OR4P4: variants seen among roughly 807,000 people sequenced by gnomAD.
OR4P4 encodes the protein olfactory receptor 4P4.
OR4P4 carries 1 observed loss-of-function variant against 2.1 expected under a neutral mutation model. The ratio of observed to expected loss-of-function variants is 0.47; its 90% CI spans 0.17 to 2.21. The LOEUF (loss-of-function observed/expected upper bound fraction) is 2.21, where lower values mean the gene tolerates loss of function less well. Among genes scored for constraint, OR4P4 ranks in the 30% most tolerant of loss-of-function variants. OR4P4 has a pLI of 0.27. For synonymous variants in OR4P4, 129 were observed against 133.2 expected (o/e 0.97, Z 0.22); for missense variants, 375 against 376.5 (o/e 1.00, Z 0.03).
rs1858400426 is a variant in OR4P4, at chr11:55,637,331, G to A, written c.-30-997G>A. ...TTGTGAAAATGGAAATGTATAAGAAGCAATTTTAAGAATAATTCAAACTAG... is the reference window on the plus strand; with the variant it reads ...TTGTGAAAATGGAAATGTATAAGAAACAATTTTAAGAATAATTCAAACTAG... On this transcript the variant is annotated intron_variant, in intron 1 of 1. Coordinates refer to ENST00000641760, the Ensembl canonical transcript of OR4P4. Among the ~76,000 whole-genome samples, 4 of 137,862 alleles carry A rather than the reference G, an allele frequency of 2.9e-5. 2 individuals are homozygous for A. The highest frequency in any genetic ancestry group is 6.5e-5 in the Non-Finnish European group (4 of 61,850). 90.4% of individuals were successfully genotyped at this position (137,862 alleles called of 152,430 possible). A position where few individuals can be genotyped will look rare whatever the true frequency, so the allele number is the denominator to read the frequency against.
chr11:55,637,006 A>G (rs1248105319), intron 1 of OR4P4, among the ~76,000 whole-genome samples: 1 of 138,356 alleles, frequency 7.2e-6, no homozygotes, highest in Non-Finnish European at 1.6e-5. Flanking sequence ...AAGCACTAAC[A>G]TTGTAGTAGT....
exon 2 of OR4P4, chr11:55,639,493 A>G (rs534233631): frequency 1.2e-5 from 5 of 431,794 alleles, no homozygotes; most frequent in African/African-American, 7.9e-5. Flanking sequence ...GCCTTTCTTA[A>G]TCATTACGAT....
At chr11:55,639,899 G>A (rs1167368994) in exon 2 of OR4P4, 3 of 136,854 alleles carry the variant, frequency 2.2e-5, no homozygotes, top group East Asian at 2.4e-4. Flanking sequence ...ACTCTGGGAG[G>A]CTGAGGTGGG....
rs770332609 is a variant in OR4P4 at position 55,638,419 on chromosome 11, T to C, written c.62T>C (p.Ile21Thr). ...TTGGGGTTTTCCCAAAATAAGAACA[T>C]TGAAGTCCTCTGCTTTGTATTATTT... Residue 21 changes from isoleucine (I) to threonine (T), a missense_variant, in exon 2 of 2, where the codon ATT becomes ACT. By Grantham distance (89) the Ile-to-Thr change is moderately conservative. Coordinates refer to ENST00000641760, the Ensembl canonical transcript of OR4P4. 5.5e-6 allele frequency: 8 copies of C among 1,459,398 alleles called. 2 individuals are homozygous for C. In the Admixed American group the frequency reaches 8.7e-5, roughly 16 times the overall value. The allele number at this position is 1,459,398 out of a possible 1,614,324, so 90.4% of individuals were successfully genotyped here.
chr11:55,637,448 T>A (rs1858401593), intron 1 of OR4P4, among the ~76,000 whole-genome samples: 1 of 138,158 alleles, frequency 7.2e-6, no homozygotes, highest in Admixed American at 7.9e-5. Context: ...ATGGAGAAGA[T>A]CATAACCTTT....
In OR4P4 at chr11:55,639,030, G is replaced by A. The variant is rs756208109; in HGVS notation, c.673G>A (p.Ala225Thr). Reference sequence around the variant, plus strand: ...TGTTTTTATATTGTATACCATCAGAGCATACTCTGCAGAGAGACGCAGCAA... The same window carrying A: ...TGTTTTTATATTGTATACCATCAGAACATACTCTGCAGAGAGACGCAGCAA... The change falls in exon 2 of 2, where the codon GCA (alanine) becomes ACA (threonine). Residue 225 changes from alanine (A) to threonine (T), a missense_variant. Ala to Thr is a moderately conservative substitution (Grantham distance 58). Coordinates refer to ENST00000641760, the Ensembl canonical transcript of OR4P4. The A allele has an allele frequency of 4.0e-6, 6 of 1,492,582 alleles. 1 individual carries two copies. In the South Asian group the frequency reaches 7.1e-5, roughly 18 times the overall value. 92.5% of individuals were successfully genotyped at this position (1,492,582 alleles called of 1,614,324 possible). A position where few individuals can be genotyped will look rare whatever the true frequency, so the allele number is the denominator to read the frequency against.
exon 2 of OR4P4, chr11:55,638,417 C>A: frequency 1.4e-6 from 2 of 1,456,322 alleles, no homozygotes; most frequent in Non-Finnish European, 1.9e-6. Context: ...AAAATAAGAA[C>A]ATTGAAGTCC....
At chr11:55,635,340 G>A (rs1565072546) in intron 1 of OR4P4, 124 bp downstream of exon 1, 1 of 137,722 alleles carries the variant, frequency 7.3e-6, no homozygotes, top group African/African-American at 2.5e-5. Flanking sequence ...TGGCATTTGA[G>A]CTTGAACACC....
intron 1 of OR4P4, among the ~76,000 whole-genome samples, chr11:55,636,647 C>A (rs1858391827): frequency 7.3e-6 from 1 of 137,306 alleles, no homozygotes; most frequent in Admixed American, 8.0e-5. Context: ...TGCTATATAC[C>A]ATTTGTGTTA....
chr11:55,637,403 G>C (rs1221284689), intron 1 of OR4P4, among the ~76,000 whole-genome samples: 1 of 137,950 alleles, frequency 7.2e-6, no homozygotes, highest in African/African-American at 2.5e-5. Context: ...AAATGAAATT[G>C]CCTTTCTTAT....
rs772647145 is a variant in OR4P4 at position 55,638,725 on chromosome 11, C to T, written c.368C>T (p.Ala123Val). Residue 123 changes from alanine to valine, a missense_variant, in exon 2 of 2, where the codon GCC (alanine) becomes GTC (valine). Coordinates refer to ENST00000641760, the Ensembl canonical transcript of OR4P4. ...GGGATGGCCTATGACCGCTATGTGG[C>T]CATTTGCAAGCCCCTGCACTACACC... is the stretch of plus-strand genomic sequence containing the variant. 3 of 1,491,986 alleles carry T rather than the reference C, an allele frequency of 2.0e-6. 1 individual carries two copies. Among genetic ancestry groups the T allele is most frequent in the Non-Finnish European group, 2.7e-6 (3 of 1,097,066 alleles). 92.4% of individuals were successfully genotyped at this position (1,491,986 alleles called of 1,614,324 possible). A position where few individuals can be genotyped will look rare whatever the true frequency, so the allele number is the denominator to read the frequency against.
chr11:55,638,987 T>G lies in OR4P4; in HGVS notation c.630T>G (p.Val210=). The change falls in exon 2 of 2, where the codon GTT becomes GTG. Residue 210 remains valine, a synonymous_variant. Coordinates refer to ENST00000641760, the Ensembl canonical transcript of OR4P4. ...GCTTAATTGCTTTGGTGACATTTGT[T>G]GTCTTGTTGTTGTCTTATGTTTTTA... 5 of 1,489,022 alleles carry G rather than the reference T, an allele frequency of 3.4e-6. 1 individual carries two copies. Among genetic ancestry groups the G allele is most frequent in the Non-Finnish European group, 4.6e-6 (5 of 1,096,090 alleles). The allele number at this position is 1,489,022 out of a possible 1,614,324, so 92.2% of individuals were successfully genotyped here.
intron 1 of OR4P4, among the ~76,000 whole-genome samples, chr11:55,638,085 A>G (rs916466729): frequency 1.1e-4 from 15 of 137,644 alleles, no homozygotes; most frequent in African/African-American, 3.8e-4. Context: ...TTGTTGATTG[A>G]ACAATAGAAT....
At chr11:55,638,256 G>A (rs1858411048) in intron 1 of OR4P4, 72 bp from the exon 2 acceptor site, 1 of 611,560 alleles carries the variant, frequency 1.6e-6, no homozygotes, top group Admixed American at 3.3e-5. Flanking sequence ...AATCTAGCTA[G>A]TTCCTCAAAT....
chr11:55,639,366 C>G lies in OR4P4; in HGVS notation c.*70C>G, dbSNP rs562275631. ...AATTCACTCTCATCTTGCTCTTGTC[C>G]TTAATGTTTGGAGAGAAAAGTGGGC... On this transcript the variant is annotated 3_prime_UTR_variant, in exon 2 of 2. Coordinates refer to ENST00000641760, the Ensembl canonical transcript of OR4P4. The G allele has an allele frequency of 1.6e-5, 14 of 886,372 alleles. 1 individual carries two copies. In the African/African-American group the frequency reaches 2.2e-4, roughly 14 times the overall value. The allele number at this position is 886,372 out of a possible 1,614,324, so 54.9% of individuals were successfully genotyped here. A position where few individuals can be genotyped will look rare whatever the true frequency, so the allele number is the denominator to read the frequency against.
chr11:55,638,322 T>C lies in OR4P4; in HGVS notation c.-30-6T>C, dbSNP rs1265831369. On this transcript the variant is annotated splice_polypyrimidine_tract_variant and splice_region_variant and intron_variant, in intron 1 of 1. Transcript: ENST00000641760. ...ACTTGTAAGCTTATAAATTATGTCA[T>C]TTCAGGTGACTTATATGTTCTATCT... 1 of 928,888 alleles carries C rather than the reference T, an allele frequency of 1.1e-6. No individual in the cohort carries two copies. The highest frequency in any genetic ancestry group is 1.6e-5 in the African/African-American group (1 of 62,162). The allele number at this position is 928,888 out of a possible 1,614,324, so 57.5% of individuals were successfully genotyped here. A position where few individuals can be genotyped will look rare whatever the true frequency, so the allele number is the denominator to read the frequency against.
At position 55,638,598 on chromosome 11, in the gene OR4P4, GT is replaced by G. The variant is rs551334655; in HGVS notation, c.243del (p.Asp82ThrfsTer15). The G allele has an allele frequency of 3.8e-5, 57 of 1,483,662 alleles. 8 individuals are homozygous for G. The Middle Eastern group carries it at 1.1e-3, about 30-fold the overall frequency. The allele number at this position is 1,483,662 out of a possible 1,614,324, so 91.9% of individuals were successfully genotyped here. A position where few individuals can be genotyped will look rare whatever the true frequency, so the allele number is the denominator to read the frequency against. Reference sequence around the variant, plus strand: ...ATCCACAGTGACCCCCAAATTAATGGTTGACTTACTGGCAGAAAGAAAGACC... The same window carrying G: ...ATCCACAGTGACCCCCAAATTAATGGTGACTTACTGGCAGAAAGAAAGACC... On this transcript the variant is annotated frameshift_variant, in exon 2 of 2. Coordinates refer to ENST00000641760, the Ensembl canonical transcript of OR4P4. LOFTEE classifies it low-confidence loss of function (END_TRUNC).
chr11:55,639,131 A>C (rs1429564765), exon 2 of OR4P4: 1 of 1,493,546 alleles, frequency 6.7e-7, no homozygotes, highest in East Asian at 2.6e-5. Flanking sequence ...TTTACATTAG[A>C]CCGGTCACAA....
exon 2 of OR4P4, chr11:55,639,246 A>C: frequency 6.7e-7 from 1 of 1,485,412 alleles, no homozygotes; most frequent in South Asian, 1.2e-5. Flanking sequence ...GAACGCCATG[A>C]GGAAAGTGTG....
Sources: gnomAD v4.1 joint callset for allele counts (sites outside exome capture counted in the v4.1 genomes callset) on GRCh38, gnomAD v4.1.1 for gene constraint, MANE v1.5 for transcripts, NCBI Gene and HGNC (gene_info 2026-07-23, HGNC 2026-07-21) for gene names.